Variants in CTNNA2 observed in about 807,000 individuals in gnomAD.
The protein encoded by CTNNA2 is catenin alpha 2.
Under a neutral mutation model 101.0 loss-of-function variants are expected in CTNNA2, and 42 were observed. The observed-to-expected ratio is 0.42, with a 90% CI of 0.32 to 0.54. The LOEUF (loss-of-function observed/expected upper bound fraction) is 0.54, where lower values mean the gene tolerates loss of function less well. Among genes scored for constraint, CTNNA2 ranks in the 20% least tolerant of loss-of-function variants. The probability of loss-of-function intolerance (pLI) is 0.14; values close to 1 mark genes in which losing one functional copy is unlikely to be tolerated. For synonymous variants in CTNNA2, 450 were observed against 456.4 expected, an observed-to-expected ratio of 0.99 and a Z score of 0.18; for missense variants, 871 against 1,223.1, an observed-to-expected ratio of 0.71 and a Z score of 4.29.
intron 8 of CTNNA2, among the ~76,000 whole-genome samples, chr2:80,397,191 C>T (rs1308625136): frequency 1.3e-5 from 2 of 152,150 alleles, no homozygotes; most frequent in Admixed American, 6.5e-5. Flanking sequence ...TGAAGGTGAA[C>T]AGTTACCATG....
chr2:79,863,133 C>A (rs1444975740), intron 4 of CTNNA2, among the ~76,000 whole-genome samples: 5 of 141,092 alleles, frequency 3.5e-5, no homozygotes, highest in African/African-American at 1.1e-4. Flanking sequence ...TTCCTGGTAG[C>A]TCAAACAAAC....
At chr2:79,569,497 T>C (rs1035502219) in intron 1 of CTNNA2, among the ~76,000 whole-genome samples, 2 of 152,140 alleles carry the variant, frequency 1.3e-5, no homozygotes. Context: ...CACTGAAGGA[T>C]ATATGAAGGG....
intron 2 of CTNNA2, among the ~76,000 whole-genome samples, chr2:79,224,671 C>T (rs921613303): frequency 6.6e-6 from 1 of 151,994 alleles, no homozygotes; most frequent in African/African-American, 2.4e-5. Context: ...TACACCTGTG[C>T]AAGCCAAATC....
intron 7 of CTNNA2, among the ~76,000 whole-genome samples, chr2:80,074,558 C>G (rs898039396): frequency 6.6e-6 from 1 of 152,050 alleles, no homozygotes; most frequent in Non-Finnish European, 1.5e-5. Context: ...TTATACATGG[C>G]AAGATATGCT....
intron 2 of CTNNA2, among the ~76,000 whole-genome samples, chr2:79,211,828 T>G (rs1324050502): frequency 6.6e-6 from 1 of 152,090 alleles, no homozygotes; most frequent in Non-Finnish European, 1.5e-5. Flanking sequence ...GCAACAATTT[T>G]GGGGGATGGT....
intron 9 of CTNNA2, among the ~76,000 whole-genome samples, chr2:80,496,426 TGTAAATTATAAACCAA>T (rs1687478792): frequency 6.6e-6 from 1 of 150,448 alleles, no homozygotes; most frequent in African/African-American, 2.4e-5. Context: ...TCTTAGAACC[TGTAAATTATAAACCAA>T]GTGACTGCAT....
chr2:80,482,034 A>T (rs1004062928), intron 9 of CTNNA2, among the ~76,000 whole-genome samples: 1 of 152,100 alleles, frequency 6.6e-6, no homozygotes, highest in Non-Finnish European at 1.5e-5. Context: ...TTAACAACAT[A>T]TGCAAAATGT....
intron 2 of CTNNA2, among the ~76,000 whole-genome samples, chr2:79,254,926 G>A (rs1674822159): frequency 6.6e-6 from 1 of 152,136 alleles, no homozygotes; most frequent in African/African-American, 2.4e-5. Context: ...AGTAGAGTAG[G>A]GGCAAGGATG....
At chr2:79,362,073 T>C (rs1677643609) in intron 3 of CTNNA2, among the ~76,000 whole-genome samples, 1 of 152,184 alleles carries the variant, frequency 6.6e-6, no homozygotes, top group Non-Finnish European at 1.5e-5. Context: ...TAGAATGCTA[T>C]CATGGTGGTC....
intron 1 of CTNNA2, among the ~76,000 whole-genome samples, chr2:79,539,253 T>C (rs1673259626): frequency 6.6e-6 from 1 of 152,152 alleles, no homozygotes; most frequent in Admixed American, 6.5e-5. Context: ...AAGTAGCCTT[T>C]CTGATCTATT....
chr2:80,466,880 T>C (rs1445371215), intron 9 of CTNNA2, among the ~76,000 whole-genome samples: 2 of 152,200 alleles, frequency 1.3e-5, no homozygotes, highest in African/African-American at 4.8e-5. Context: ...ATACCTTGCA[T>C]TGTTCTAATA....
intron 9 of CTNNA2, among the ~76,000 whole-genome samples, chr2:80,514,388 G>T (rs1037808543): frequency 6.6e-6 from 1 of 152,122 alleles, no homozygotes; most frequent in African/African-American, 2.4e-5. Flanking sequence ...GTGGACAGTG[G>T]GGTGTTATCA....
intron 7 of CTNNA2, among the ~76,000 whole-genome samples, chr2:80,346,325 G>A (rs1472908943): frequency 6.6e-6 from 1 of 151,964 alleles, no homozygotes; most frequent in African/African-American, 2.4e-5. Context: ...TTTACTCATG[G>A]TAGAAGGTGA....
intron 7 of CTNNA2, among the ~76,000 whole-genome samples, chr2:80,063,548 C>A (rs190305424): frequency 6.6e-6 from 1 of 152,312 alleles, no homozygotes; most frequent in Non-Finnish European, 1.5e-5. Flanking sequence ...GCACCCTTCA[C>A]GTAACTGTCT....
intron 1 of CTNNA2, among the ~76,000 whole-genome samples, chr2:79,622,829 G>A (rs1373692269): frequency 3.3e-5 from 5 of 152,118 alleles, no homozygotes; most frequent in Admixed American, 6.5e-5. Context: ...TTTAATGGCC[G>A]AGTCTGTAGG....
At chr2:79,769,896 C>G (rs918935630) in intron 3 of CTNNA2, among the ~76,000 whole-genome samples, 2 of 152,182 alleles carry the variant, frequency 1.3e-5, no homozygotes. Context: ...TCTGTGCTGT[C>G]TAGTGGGGTA....
chr2:80,617,732 A>C (rs1289367278), intron 17 of CTNNA2, among the ~76,000 whole-genome samples: 3 of 151,806 alleles, frequency 2.0e-5, no homozygotes, highest in Non-Finnish European at 4.4e-5. Context: ...ATTTTGCTTA[A>C]TTTTAAATTG....
At chr2:80,089,424 T>C (rs1396793896) in intron 7 of CTNNA2, among the ~76,000 whole-genome samples, 2 of 151,974 alleles carry the variant, frequency 1.3e-5, no homozygotes, top group African/African-American at 4.8e-5. Flanking sequence ...GCCCTCCCCT[T>C]ACAACCTGCG....
chr2:79,387,687 G>A (rs1472719696), intron 4 of CTNNA2, among the ~76,000 whole-genome samples: 1 of 152,126 alleles, frequency 6.6e-6, no homozygotes, highest in Non-Finnish European at 1.5e-5. Flanking sequence ...CTAAATGTGG[G>A]AACTCTATCC....
Sources: allele counts gnomAD v4.1 joint callset (sites outside exome capture counted in the v4.1 genomes callset), GRCh38; gene constraint gnomAD v4.1.1; transcripts MANE v1.5; gene names NCBI Gene and HGNC (gene_info 2026-07-23, HGNC 2026-07-21).